Variants in RAP2A observed in about 807,000 individuals in gnomAD.
RAP2A encodes RAP2A, member of RAS oncogene family.
A neutral mutation model predicts 15.1 loss-of-function variants in RAP2A; 5 were observed. The ratio of observed to expected loss-of-function variants is 0.33; its 90% CI spans 0.17 to 0.70. The LOEUF (loss-of-function observed/expected upper bound fraction) is 0.70, where lower values mean the gene tolerates loss of function less well. Ranked by LOEUF, RAP2A falls within the 30% of genes least tolerant of loss-of-function variation. RAP2A has a pLI of 0.68. For missense variants in RAP2A, 111 were observed against 240.3 expected (o/e 0.46, Z 3.56); for synonymous variants, 110 against 99.7 (o/e 1.10, Z -0.62).
intron 1 of RAP2A, chr13:97,441,738 ACTG>A (rs1489144250): frequency 9.0e-6 from 4 of 443,090 alleles, no homozygotes; most frequent in Non-Finnish European, 1.8e-5. Flanking sequence ...ATTCTTACCT[ACTG>A]TTTTTTTACA....
At chr13:97,459,577 G>A (rs541810767) in intron 1 of RAP2A, among the ~76,000 whole-genome samples, 5 of 152,268 alleles carry the variant, frequency 3.3e-5, no homozygotes, top group South Asian at 2.1e-4. Flanking sequence ...GCATGCTGTC[G>A]CCGGCTCAGG....
At chr13:97,445,532 CTT>C (rs2066675894) in intron 1 of RAP2A, among the ~76,000 whole-genome samples, 1 of 152,102 alleles carries the variant, frequency 6.6e-6, no homozygotes, top group South Asian at 2.1e-4. Flanking sequence ...TGATATAAAA[CTT>C]TTTTACAATG....
chr13:97,458,249 C>T (rs2066732183), intron 1 of RAP2A, among the ~76,000 whole-genome samples: 1 of 152,078 alleles, frequency 6.6e-6, no homozygotes, highest in African/African-American at 2.4e-5. Flanking sequence ...TTCTCATTTC[C>T]AAATTCAAAG....
intron 1 of RAP2A, among the ~76,000 whole-genome samples, chr13:97,450,633 T>C (rs1016335326): frequency 3.3e-5 from 5 of 152,110 alleles, no homozygotes; most frequent in African/African-American, 1.2e-4. Flanking sequence ...GTCCACCTTA[T>C]TTTGAATGAC....
In RAP2A at chr13:97,464,477, C is replaced by T; in HGVS notation, c.*35C>T. 3 of 1,596,870 alleles carry T rather than the reference C, an allele frequency of 1.9e-6. No individual in the cohort carries two copies. Among genetic ancestry groups the T allele is most frequent in the Non-Finnish European group, 2.6e-6 (3 of 1,164,718 alleles). ...ATGGCTGTCCTGGATGGGATTTGCC[C>T]AATGTCGTAGGTGATAGAAAACTCG... is the stretch of plus-strand genomic sequence containing the variant. On this transcript the variant is annotated 3_prime_UTR_variant, in exon 2 of 2. Coordinates refer to ENST00000245304, the MANE Select transcript of RAP2A (RefSeq NM_021033.7).
chr13:97,442,366 G>A (rs1333379870), intron 1 of RAP2A, among the ~76,000 whole-genome samples: 1 of 151,928 alleles, frequency 6.6e-6, no homozygotes, highest in Non-Finnish European at 1.5e-5. Context: ...TATATTTAGG[G>A]AGAAATAAGG....
intron 1 of RAP2A, among the ~76,000 whole-genome samples, chr13:97,437,805 C>T (rs1232859555): frequency 6.6e-6 from 1 of 152,194 alleles, no homozygotes; most frequent in Non-Finnish European, 1.5e-5. Flanking sequence ...AGCAATAATG[C>T]ATAGCACTAA....
At chr13:97,462,910 C>T (rs531563293) in intron 1 of RAP2A, among the ~76,000 whole-genome samples, 3 of 152,256 alleles carry the variant, frequency 2.0e-5, no homozygotes, top group Admixed American at 1.3e-4. Flanking sequence ...AGTATCATAG[C>T]GAACAATAAC....
chr13:97,437,381 A>C (rs959672967), intron 1 of RAP2A: 6 of 151,402 alleles, frequency 4.0e-5, no homozygotes, highest in African/African-American at 1.5e-4. Flanking sequence ...TGATTTGGGG[A>C]AATGCTTGCT....
intron 1 of RAP2A, chr13:97,441,728 A>G (rs765765422): frequency 4.5e-6 from 2 of 441,426 alleles, no homozygotes; most frequent in South Asian, 3.2e-5. Flanking sequence ...CTCTCCATCT[A>G]TTCTTACCTA....
At chr13:97,445,372 A>C (rs549041442) in intron 1 of RAP2A, among the ~76,000 whole-genome samples, 1 of 152,242 alleles carries the variant, frequency 6.6e-6, no homozygotes, top group African/African-American at 2.4e-5. Context: ...ATTGTTAAGT[A>C]GCCACATACA....
At chr13:97,443,748 A>C (rs2066667798) in intron 1 of RAP2A, among the ~76,000 whole-genome samples, 2 of 152,194 alleles carry the variant, frequency 1.3e-5, no homozygotes, top group South Asian at 4.1e-4. Context: ...TATGTATTAT[A>C]ATTCTCGAAT....
chr13:97,448,478 TGTTA>T (rs1413521440), intron 1 of RAP2A, among the ~76,000 whole-genome samples: 1 of 151,970 alleles, frequency 6.6e-6, no homozygotes, highest in Non-Finnish European at 1.5e-5. Flanking sequence ...CACACTAAGC[TGTTA>T]GTAAAGTCAT....
At chr13:97,439,199 T>G (rs183587328) in intron 1 of RAP2A, among the ~76,000 whole-genome samples, 52 of 152,324 alleles carry the variant, frequency 3.4e-4, no homozygotes, top group Middle Eastern at 6.8e-3. Context: ...GCTAAATTAC[T>G]GAAGGTTAAA....
chr13:97,446,289 A>G (rs1207462920), intron 1 of RAP2A, among the ~76,000 whole-genome samples: 1 of 152,108 alleles, frequency 6.6e-6, no homozygotes, highest in African/African-American at 2.4e-5. Flanking sequence ...AATCATGACA[A>G]TTCAAATCCC....
chr13:97,446,244 A>G (rs1343937535), intron 1 of RAP2A, among the ~76,000 whole-genome samples: 2 of 152,140 alleles, frequency 1.3e-5, no homozygotes, highest in African/African-American at 2.4e-5. Context: ...TATGGTCACT[A>G]TAGACTGTTA....
intron 1 of RAP2A, among the ~76,000 whole-genome samples, chr13:97,443,304 A>G (rs967481026): frequency 1.3e-5 from 2 of 152,242 alleles, no homozygotes; most frequent in Non-Finnish European, 2.9e-5. Context: ...TAATAATTCA[A>G]ATGTGGAAAT....
rs112204133 is a variant in RAP2A, at chr13:97,437,931, T to A, written c.314+3147T>A. The stretch of plus-strand genomic sequence containing the variant: ...GTTTCACTTTTAAGAAATGTGAAAC[T>A]GACCCATACTCCCTTAAGTGTCTGT... On this transcript the variant is annotated intron_variant, in intron 1 of 1. Coordinates refer to ENST00000245304, the MANE Select transcript of RAP2A (RefSeq NM_021033.7). Among the ~76,000 whole-genome samples the A allele has an allele frequency of 9.3e-3, 1,412 of 152,334 alleles. 18 individuals carry two copies. The highest frequency in any genetic ancestry group is 0.013 in the South Asian group (61 of 4,832).
At chr13:97,437,069 T>C (rs1007442568) in intron 1 of RAP2A, among the ~76,000 whole-genome samples, 1 of 152,210 alleles carries the variant, frequency 6.6e-6, no homozygotes, top group African/African-American at 2.4e-5. Flanking sequence ...AATAGAGATA[T>C]AACGTGAGCC....
Sources: allele counts gnomAD v4.1 joint callset (sites outside exome capture counted in the v4.1 genomes callset), GRCh38; gene constraint gnomAD v4.1.1; transcripts MANE v1.5; gene names NCBI Gene and HGNC (gene_info 2026-07-23, HGNC 2026-07-21).